GRIN2B: variants seen among roughly 807,000 people sequenced by gnomAD.
GRIN2B encodes glutamate ionotropic receptor NMDA type subunit 2B, also known as glutamate receptor ionotropic, NMDA 2B.
GRIN2B carries 5 observed loss-of-function variants against 114.5 expected under a neutral mutation model. The observed-to-expected ratio is 0.04, with a 90% CI of 0.02 to 0.09. The LOEUF is 0.09. GRIN2B is among the 10% of genes least tolerant of loss of function. The probability of loss-of-function intolerance (pLI) is 1.00; values close to 1 mark genes in which losing one functional copy is unlikely to be tolerated. For missense variants in GRIN2B, 1,108 were observed against 1,943.5 expected (o/e 0.57, Z 8.08); for synonymous variants, 787 against 745.1 (o/e 1.06, Z -0.92).
At chr12:13,731,173 T>A (rs2136604582) in intron 4 of GRIN2B, among the ~76,000 whole-genome samples, 1 of 152,290 alleles carries the variant, frequency 6.6e-6, no homozygotes, top group Non-Finnish European at 1.5e-5. Flanking sequence ...AATTCCACGT[T>A]CCAGACTGCA....
chr12:13,628,082 C>T lies in GRIN2B; in HGVS notation c.1126-11425G>A, dbSNP rs140467175. Among the ~76,000 whole-genome samples the T allele has an allele frequency of 2.3e-3, 351 of 152,280 alleles. 2 individuals carry two copies. Among genetic ancestry groups the T allele is most frequent in the Non-Finnish European group, 3.8e-3 (257 of 68,028 alleles). On this transcript the variant is annotated intron_variant, in intron 5 of 13. Transcript: ENST00000609686. ...ATGCCACAAATATTAATATTATGTG[C>T]CATAAGGCACATAAAATGCAGAGAA...
At chr12:13,713,062 T>C (rs1474770155) in intron 4 of GRIN2B, among the ~76,000 whole-genome samples, 2 of 151,852 alleles carry the variant, frequency 1.3e-5, no homozygotes, top group Non-Finnish European at 2.9e-5. Flanking sequence ...TAAGATGAGA[T>C]ACCAAAGAAT....
At chr12:13,855,347 A>T (rs758346278) in intron 3 of GRIN2B, among the ~76,000 whole-genome samples, 2 of 152,216 alleles carry the variant, frequency 1.3e-5, no homozygotes, top group Non-Finnish European at 2.9e-5. Flanking sequence ...TAAAGGTCAC[A>T]CAGTAAGTGG....
chr12:13,938,889 T>C (rs1867180129), intron 2 of GRIN2B, among the ~76,000 whole-genome samples: 1 of 152,196 alleles, frequency 6.6e-6, no homozygotes, highest in Non-Finnish European at 1.5e-5. Flanking sequence ...GCAATTTTAC[T>C]TCAATAAAGT....
chr12:13,873,598 T>C (rs1865947035), intron 2 of GRIN2B, among the ~76,000 whole-genome samples: 1 of 152,218 alleles, frequency 6.6e-6, no homozygotes, highest in Non-Finnish European at 1.5e-5. Flanking sequence ...CTTTTCAAGC[T>C]TTTGAGCTCC....
intron 5 of GRIN2B, among the ~76,000 whole-genome samples, chr12:13,647,783 G>A (rs1949775388): frequency 6.6e-6 from 1 of 151,994 alleles, no homozygotes. Flanking sequence ...AAGCTCTGAG[G>A]GTCACAAATA....
chr12:13,672,384 T>C (rs1950030318), intron 5 of GRIN2B, among the ~76,000 whole-genome samples: 1 of 152,152 alleles, frequency 6.6e-6, no homozygotes, highest in Non-Finnish European at 1.5e-5. Flanking sequence ...CCCTGTAGAA[T>C]CTTCACCCTG....
chr12:13,671,596 T>C (rs1042674822), intron 5 of GRIN2B, among the ~76,000 whole-genome samples: 1 of 151,978 alleles, frequency 6.6e-6, no homozygotes, highest in Non-Finnish European at 1.5e-5. Flanking sequence ...CCCTGACAAT[T>C]CCCCCCAAGT....
intron 2 of GRIN2B, among the ~76,000 whole-genome samples, chr12:13,961,033 G>A (rs1216084868): frequency 1.3e-5 from 2 of 152,026 alleles, no homozygotes; most frequent in Non-Finnish European, 1.5e-5. Context: ...ACAAAGGCTG[G>A]TCATGCCGTC....
chr12:13,943,433 T>C (rs1402367358), intron 2 of GRIN2B, among the ~76,000 whole-genome samples: 1 of 152,092 alleles, frequency 6.6e-6, no homozygotes, highest in Non-Finnish European at 1.5e-5. Context: ...GTCACACTCC[T>C]ACTCAAGATT....
intron 10 of GRIN2B, among the ~76,000 whole-genome samples, chr12:13,581,946 G>A (rs899652674): frequency 1.3e-5 from 2 of 148,716 alleles, no homozygotes; most frequent in African/African-American, 2.5e-5. Context: ...TTGATAAAAC[G>A]TAAGTAAACA....
At chr12:13,595,997 C>T (rs1230984195) in intron 10 of GRIN2B, among the ~76,000 whole-genome samples, 1 of 151,510 alleles carries the variant, frequency 6.6e-6, no homozygotes, top group East Asian at 1.9e-4. Context: ...AGTTAATAAC[C>T]TTGTGTGTTC....
intron 3 of GRIN2B, among the ~76,000 whole-genome samples, chr12:13,760,171 T>C (rs1249543911): frequency 3.3e-5 from 5 of 152,234 alleles, no homozygotes; most frequent in Non-Finnish European, 7.3e-5. Context: ...ATGGACTACA[T>C]GATTACTTAT....
chr12:13,821,303 G>T (rs1272718091), intron 3 of GRIN2B, among the ~76,000 whole-genome samples: 3 of 152,150 alleles, frequency 2.0e-5, no homozygotes, highest in Non-Finnish European at 4.4e-5. Flanking sequence ...ATAGAGTAAA[G>T]GTGGATCCCA....
intron 10 of GRIN2B, among the ~76,000 whole-genome samples, chr12:13,583,462 G>T (rs866019821): frequency 6.6e-6 from 1 of 152,178 alleles, no homozygotes; most frequent in Non-Finnish European, 1.5e-5. Flanking sequence ...TCAAATGCAG[G>T]ATACTCATAT....
chr12:13,948,210 C>T (rs219919), intron 2 of GRIN2B, among the ~76,000 whole-genome samples: 145,329 of 152,268 alleles, frequency 0.95, 69,454 homozygotes, highest in East Asian at 1. Flanking sequence ...CATTGCCTCA[C>T]AGAAAAAGCC....
intron 3 of GRIN2B, among the ~76,000 whole-genome samples, chr12:13,787,330 A>C (rs1565537176): frequency 6.6e-6 from 1 of 152,234 alleles, no homozygotes; most frequent in Non-Finnish European, 1.5e-5. Flanking sequence ...CATATAGTCT[A>C]GGAGACAGAA....
chr12:13,607,354 TATATAA>T (rs1949282609), intron 10 of GRIN2B, among the ~76,000 whole-genome samples: 4 of 38,868 alleles, frequency 1.0e-4, no homozygotes, highest in South Asian at 9.3e-4. Flanking sequence ...ATATATAAAA[TATATAA>T]TATATATTAT....
intron 3 of GRIN2B, among the ~76,000 whole-genome samples, chr12:13,845,952 T>TC (rs879447632): frequency 8.5e-5 from 13 of 152,192 alleles, no homozygotes; most frequent in African/African-American, 2.9e-4. Context: ...TTGTTTACTT[T>TC]AATCTACTCA....
Sources: allele counts gnomAD v4.1 joint callset (sites outside exome capture counted in the v4.1 genomes callset), GRCh38; gene constraint gnomAD v4.1.1; transcripts MANE v1.5; gene names NCBI Gene and HGNC (gene_info 2026-07-23, HGNC 2026-07-21).